ADCY2: variants seen among roughly 807,000 people sequenced by gnomAD.
ADCY2 encodes adenylate cyclase 2, also known as adenylate cyclase type 2.
In ADCY2, 31 loss-of-function variants were observed where a neutral mutation model predicts 125.2. That is an observed-to-expected ratio of 0.25 (90% CI 0.19 to 0.33). ADCY2 has a LOEUF of 0.33. Ranked by LOEUF, ADCY2 falls within the 10% of genes least tolerant of loss-of-function variation. The probability of loss-of-function intolerance (pLI) is 1.00; values close to 1 mark genes in which losing one functional copy is unlikely to be tolerated. For missense variants in ADCY2, 904 were observed against 1,418.2 expected, an observed-to-expected ratio of 0.64 and a Z score of 5.82; for synonymous variants, 512 against 548.4, an observed-to-expected ratio of 0.93 and a Z score of 0.93.
intron 2 of ADCY2, among the ~76,000 whole-genome samples, chr5:7,496,651 A>T (rs2126496536): frequency 6.6e-6 from 1 of 152,306 alleles, no homozygotes; most frequent in East Asian, 1.9e-4. Context: ...GTTGACAGAG[A>T]GTATGCCCTC....
intron 7 of ADCY2, among the ~76,000 whole-genome samples, chr5:7,699,386 C>T (rs1157358384): frequency 6.6e-6 from 1 of 151,854 alleles, no homozygotes; most frequent in Non-Finnish European, 1.5e-5. Context: ...CGTGAGCCAC[C>T]GCGCCCGGCC....
chr5:7,525,568 C>T (rs575800597), intron 3 of ADCY2, among the ~76,000 whole-genome samples: 5 of 151,750 alleles, frequency 3.3e-5, no homozygotes, highest in Non-Finnish European at 7.4e-5. Context: ...TTTTAGTGAA[C>T]AGCATTTAGA....
In ADCY2 at chr5:7,647,613, A is replaced by G. The variant is rs115252931; in HGVS notation, c.720+21297A>G. 4.2e-3 allele frequency among the ~76,000 whole-genome samples: 640 copies of G among 152,330 alleles called. 2 individuals carry two copies. Among genetic ancestry groups the G allele is most frequent in the African/African-American group, 0.015 (614 of 41,576 alleles). On this transcript the variant is annotated intron_variant, in intron 4 of 24. Transcript: ENST00000338316. ...CCAAAGGAAGCTTTTGGAAATGTTC[A>G]ATGCTCGTTGACACATCTTAAAAAT... is the stretch of plus-strand genomic sequence containing the variant.
At chr5:7,726,952 TGTG>T (rs1741951082) in intron 13 of ADCY2, among the ~76,000 whole-genome samples, 2 of 152,162 alleles carry the variant, frequency 1.3e-5, no homozygotes, top group Admixed American at 1.3e-4. Flanking sequence ...ACTCATAAAC[TGTG>T]GTCCTTGGAA....
At chr5:7,607,188 A>T (rs1278949776) in intron 3 of ADCY2, among the ~76,000 whole-genome samples, 1 of 152,166 alleles carries the variant, frequency 6.6e-6, no homozygotes, top group East Asian at 1.9e-4. Context: ...TAGTGGAAGG[A>T]TGACTTTCTT....
intron 4 of ADCY2, among the ~76,000 whole-genome samples, chr5:7,661,154 G>T (rs952812830): frequency 2.6e-5 from 4 of 152,016 alleles, no homozygotes; most frequent in Admixed American, 2.6e-4. Context: ...TTTTGATTGT[G>T]CACACCTATG....
chr5:7,678,555 CAT>C (rs1238649973), intron 4 of ADCY2, among the ~76,000 whole-genome samples: 4 of 152,096 alleles, frequency 2.6e-5, no homozygotes, highest in Admixed American at 2.0e-4. Context: ...ATAACATATA[CAT>C]ATATATTTAT....
At position 7,805,799 on chromosome 5, in the gene ADCY2, T is replaced by C. The variant is rs142903044; in HGVS notation, c.2883+1107T>C. On this transcript the variant is annotated intron_variant, in intron 22 of 24. Coordinates refer to ENST00000338316, the MANE Select transcript of ADCY2 (RefSeq NM_020546.3). ...GTCCTAGTTTCCCGCTTAACATTCATGCATTCATGGGCAAAGAGTAGAACA... is the reference window on the plus strand; with the variant it reads ...GTCCTAGTTTCCCGCTTAACATTCACGCATTCATGGGCAAAGAGTAGAACA... Among the ~76,000 whole-genome samples, 958 of 152,334 alleles carry C rather than the reference T, an allele frequency of 6.3e-3. 13 individuals carry two copies. The highest frequency in any genetic ancestry group is 0.022 in the African/African-American group (919 of 41,578).
intron 3 of ADCY2, among the ~76,000 whole-genome samples, chr5:7,600,308 G>T (rs1224312435): frequency 6.6e-6 from 1 of 152,208 alleles, no homozygotes. Flanking sequence ...TTCTGGGAAG[G>T]GTGTTGGGTC....
chr5:7,725,129 C>A (rs1741893641), intron 13 of ADCY2, among the ~76,000 whole-genome samples: 1 of 152,134 alleles, frequency 6.6e-6, no homozygotes, highest in African/African-American at 2.4e-5. Context: ...AATAAGTAAG[C>A]AGACATTTAG....
intron 2 of ADCY2, among the ~76,000 whole-genome samples, chr5:7,491,076 C>T (rs1054537059): frequency 6.6e-6 from 1 of 152,024 alleles, no homozygotes; most frequent in Admixed American, 6.6e-5. Flanking sequence ...CATGGCCATC[C>T]AAGAGGTACA....
chr5:7,420,722 T>C (rs1351507452), intron 2 of ADCY2, among the ~76,000 whole-genome samples: 1 of 152,196 alleles, frequency 6.6e-6, no homozygotes, highest in Non-Finnish European at 1.5e-5. Flanking sequence ...GCAGAGTTTC[T>C]GGCTCCCGGA....
intron 13 of ADCY2, 25 bp downstream of exon 13, chr5:7,724,639 C>T: frequency 6.7e-7 from 1 of 1,492,080 alleles, no homozygotes; most frequent in Non-Finnish European, 9.2e-7. Context: ...TCTTCAAAAT[C>T]ATCAATCGAG....
intron 3 of ADCY2, among the ~76,000 whole-genome samples, chr5:7,542,798 G>A (rs28565152): frequency 0.19 from 29,476 of 152,160 alleles, 3,183 homozygotes; most frequent in Non-Finnish European, 0.25. Context: ...TACCTCCACA[G>A]CAACACCTAG....
chr5:7,670,414 A>T (rs1459020174), intron 4 of ADCY2, among the ~76,000 whole-genome samples: 2 of 152,254 alleles, frequency 1.3e-5, no homozygotes, highest in Non-Finnish European at 2.9e-5. Context: ...GATCATTTAA[A>T]AAATGGTTAT....
chr5:7,813,490 C>T (rs552614022), intron 22 of ADCY2, among the ~76,000 whole-genome samples: 26 of 152,254 alleles, frequency 1.7e-4, no homozygotes, highest in African/African-American at 3.6e-4. Flanking sequence ...GAGAACTGAG[C>T]GAGTAGTCTC....
chr5:7,660,615 A>G (rs1739494630), intron 4 of ADCY2, among the ~76,000 whole-genome samples: 2 of 152,188 alleles, frequency 1.3e-5, no homozygotes, highest in Admixed American at 1.3e-4. Context: ...AGAAGGCTGG[A>G]GACATAGGTA....
At chr5:7,799,232 C>T (rs1473335536) in intron 20 of ADCY2, 1 of 152,310 alleles carries the variant, frequency 6.6e-6, no homozygotes, top group African/African-American at 2.4e-5. Flanking sequence ...CTGCCCTACT[C>T]CAGCCCCCAG....
At chr5:7,443,639 CAAAAAAAAAAAAAA>C (rs56089574) in intron 2 of ADCY2, among the ~76,000 whole-genome samples, 13 of 51,200 alleles carry the variant, frequency 2.5e-4, no homozygotes, top group African/African-American at 1.0e-3. Context: ...GACTCTGTCT[CAAAAAAAAAAAAAA>C]AAAAAAAAAA....
Sources: gnomAD v4.1 joint callset for allele counts (sites outside exome capture counted in the v4.1 genomes callset) on GRCh38, gnomAD v4.1.1 for gene constraint, MANE v1.5 for transcripts, NCBI Gene and HGNC (gene_info 2026-07-23, HGNC 2026-07-21) for gene names.